MAPT: variants seen among roughly 807,000 people sequenced by gnomAD.
MAPT encodes microtubule associated protein tau.
MAPT carries 34 observed loss-of-function variants against 67.9 expected under a neutral mutation model. That is an observed-to-expected ratio of 0.50 (90% CI 0.38 to 0.67). MAPT has a LOEUF of 0.67. Ranked by LOEUF, MAPT falls within the 30% of genes least tolerant of loss-of-function variation. The probability of loss-of-function intolerance (pLI) is 0.00; values close to 1 mark genes in which losing one functional copy is unlikely to be tolerated. For missense variants in MAPT, 881 were observed against 1,115.2 expected (o/e 0.79, Z 2.99); for synonymous variants, 456 against 464.5 (o/e 0.98, Z 0.23).
chr17:45,938,321 C>A (rs945811454), intron 1 of MAPT, among the ~76,000 whole-genome samples: 15 of 152,234 alleles, frequency 9.9e-5, no homozygotes, highest in Admixed American at 8.5e-4. Context: ...GGCTCATGAT[C>A]TTCTATAGCT....
Position 45,990,316 on chromosome 17 carries a change from G to A in MAPT, c.1605+241G>A, listed in dbSNP as rs10445338. Among the ~76,000 whole-genome samples the A allele has an allele frequency of 0.15, 22,074 of 152,066 alleles. 2,149 individuals are homozygous for A. Among genetic ancestry groups the A allele is most frequent in the Non-Finnish European group, 0.22 (14,755 of 67,956 alleles). On this transcript the variant is annotated intron_variant, in intron 7 of 12. Transcript: ENST00000262410. ...AGACACCTGGTGGGACCTTGGTTTC[G>A]AAATCGCTACTCTAAGGCTGGGCAC... is the stretch of plus-strand genomic sequence containing the variant.
chr17:45,949,090 C>T (rs924990405), intron 1 of MAPT, among the ~76,000 whole-genome samples: 4 of 152,250 alleles, frequency 2.6e-5, no homozygotes, highest in African/African-American at 9.6e-5. Context: ...GTGCAGCCTT[C>T]CCTGTCCTTG....
At chr17:45,929,572 G>A (rs1282315493) in intron 1 of MAPT, among the ~76,000 whole-genome samples, 1 of 152,100 alleles carries the variant, frequency 6.6e-6, no homozygotes, top group Non-Finnish European at 1.5e-5. Context: ...CTTTCCCCAG[G>A]TGATGATAAA....
At chr17:46,014,373 A>G in intron 11 of MAPT, 49 bp downstream of exon 11, 1 of 1,350,688 alleles carries the variant, frequency 7.4e-7, no homozygotes, top group East Asian at 2.3e-5. Flanking sequence ...CAGGGGGTGG[A>G]GGAGTCCTGG....
intron 12 of MAPT, among the ~76,000 whole-genome samples, chr17:46,020,745 A>G (rs1209119597): frequency 6.6e-6 from 1 of 152,186 alleles, no homozygotes; most frequent in Non-Finnish European, 1.5e-5. Flanking sequence ...TCATGAGAAC[A>G]GCACGGGAAA....
chr17:45,951,007 T>C (rs186017888), intron 1 of MAPT, among the ~76,000 whole-genome samples: 1 of 152,328 alleles, frequency 6.6e-6, no homozygotes, highest in African/African-American at 2.4e-5. Flanking sequence ...CATCAATGGA[T>C]GAATGAATAA....
intron 1 of MAPT, among the ~76,000 whole-genome samples, chr17:45,926,960 TATATATAC>T (rs2066387069): frequency 4.0e-5 from 6 of 150,174 alleles, no homozygotes; most frequent in Non-Finnish European, 7.4e-5. Context: ...TATATGTGTA[TATATATAC>T]ATATATGTGT....
In MAPT at chr17:45,896,028, A is replaced by G. The variant is rs1202863901; in HGVS notation, c.-18+1342A>G. 6.6e-6 allele frequency: 1 copy of G among 152,160 alleles called. No individual in the cohort carries two copies. Among genetic ancestry groups the G allele is most frequent in the Admixed American group, 6.5e-5 (1 of 15,276 alleles). The allele number at this position is 152,160 out of a possible 1,614,324, so 9.4% of individuals were successfully genotyped here. On this transcript the variant is annotated intron_variant, in intron 1 of 12. Coordinates refer to ENST00000262410, the MANE Select transcript of MAPT (RefSeq NM_001377265.1). The surrounding 1 kb of genome is among the most constrained non-coding windows in gnomAD (Gnocchi z 5.6). ...CTCCCAGCCCTGGTTTCTGGCTTTT[A>G]TTCTGAGGGTGTTCAGTCAACCTCC...
intron 3 of MAPT, among the ~76,000 whole-genome samples, chr17:45,972,551 G>C (rs1053417918): frequency 1.3e-5 from 2 of 152,214 alleles, no homozygotes; most frequent in African/African-American, 4.8e-5. Flanking sequence ...TTGGCTGTAA[G>C]AAACAGAAAC....
At chr17:45,980,115 C>A (rs1432027271) in intron 4 of MAPT, 1 of 152,184 alleles carries the variant, frequency 6.6e-6, no homozygotes, top group Non-Finnish European at 1.5e-5. Context: ...GTTTACAATA[C>A]TCATTTATCT....
intron 9 of MAPT, chr17:45,999,400 C>G: frequency 6.2e-7 from 1 of 1,614,042 alleles, no homozygotes; most frequent in Non-Finnish European, 8.5e-7. Context: ...GTGGATGATT[C>G]AGGTTGCCAG....
At chr17:45,989,205 C>T (rs2073857262) in intron 6 of MAPT, among the ~76,000 whole-genome samples, 1 of 152,100 alleles carries the variant, frequency 6.6e-6, no homozygotes, top group Non-Finnish European at 1.5e-5. Flanking sequence ...GAGTAACATC[C>T]TAAGATTCAT....
At chr17:45,994,564 TATA>T (rs1202996157) in intron 8 of MAPT, among the ~76,000 whole-genome samples, 2 of 152,222 alleles carry the variant, frequency 1.3e-5, no homozygotes, top group Non-Finnish European at 2.9e-5. Context: ...GGCTCACGTC[TATA>T]ATCCCGGCAC....
chr17:46,018,889 T>C (rs2076351448), intron 12 of MAPT, among the ~76,000 whole-genome samples, 159 bp downstream of exon 12: 1 of 152,210 alleles, frequency 6.6e-6, no homozygotes, highest in Non-Finnish European at 1.5e-5. Flanking sequence ...GGGTCTCCAC[T>C]GCCTGTCTCA....
intron 8 of MAPT, among the ~76,000 whole-genome samples, chr17:45,992,221 T>A (rs1329993254): frequency 1.3e-5 from 2 of 152,218 alleles, no homozygotes; most frequent in Non-Finnish European, 2.9e-5. Context: ...CAGCTCATTT[T>A]AAACCCGAGG....
At chr17:45,951,350 G>A (rs1014372734) in intron 1 of MAPT, among the ~76,000 whole-genome samples, 4 of 152,250 alleles carry the variant, frequency 2.6e-5, no homozygotes, top group Middle Eastern at 3.4e-3. Flanking sequence ...CGTTCTTTAC[G>A]TTGCATGAAT....
intron 9 of MAPT, among the ~76,000 whole-genome samples, chr17:46,009,557 TGGGTGGGAGAGGG>T (rs2075681286): frequency 6.6e-6 from 1 of 151,604 alleles, no homozygotes; most frequent in Non-Finnish European, 1.5e-5. Flanking sequence ...AGTGGCATTG[TGGGTGGGAGAGGG>T]CTGGTGGGTG....
intron 1 of MAPT, among the ~76,000 whole-genome samples, chr17:45,956,057 C>T (rs757535938): frequency 6.6e-6 from 1 of 152,126 alleles, no homozygotes; most frequent in Non-Finnish European, 1.5e-5. Flanking sequence ...AAATGTATGC[C>T]TAATTTGCCC....
At chr17:45,898,782 A>T (rs538990091) in intron 1 of MAPT, 2 of 152,356 alleles carry the variant, frequency 1.3e-5, no homozygotes, top group South Asian at 4.1e-4. Context: ...TAGGGGCCTA[A>T]TACAGTGCTA....
Sources: gnomAD v4.1 joint callset for allele counts (sites outside exome capture counted in the v4.1 genomes callset) on GRCh38, gnomAD v4.1.1 for gene constraint, Gnocchi (gnomAD v3.1) non-coding constraint, MANE v1.5 for transcripts, NCBI Gene and HGNC (gene_info 2026-07-23, HGNC 2026-07-21) for gene names.